The following RARB variants were observed in gnomAD, a reference collection of about 807,000 sequenced individuals.
RARB encodes the protein retinoic acid receptor beta, also known as HBV-activated protein.
In RARB, 17 loss-of-function variants were observed where a neutral mutation model predicts 51.9. The observed-to-expected ratio is 0.33, with a 90% CI of 0.22 to 0.49. The LOEUF is 0.49. RARB is among the 20% of genes least tolerant of loss of function. The probability of loss-of-function intolerance (pLI) is 0.99; values close to 1 mark genes in which losing one functional copy is unlikely to be tolerated. For missense variants in RARB, 369 were observed against 550.8 expected, an observed-to-expected ratio of 0.67 and a Z score of 3.30; for synonymous variants, 215 against 195.4, an observed-to-expected ratio of 1.10 and a Z score of -0.84.
At chr3:25,249,100 T>G (rs1319076209) in intron 5 of RARB, among the ~76,000 whole-genome samples, 1 of 152,150 alleles carries the variant, frequency 6.6e-6, no homozygotes, top group Non-Finnish European at 1.5e-5. Context: ...TGGCATCCTA[T>G]ACATTATGTG....
At chr3:25,067,438 T>C (rs974243063) in intron 3 of RARB, among the ~76,000 whole-genome samples, 2 of 152,204 alleles carry the variant, frequency 1.3e-5, no homozygotes, top group Non-Finnish European at 2.9e-5. Flanking sequence ...AGCTGTTTTA[T>C]GACGTGATGC....
chr3:25,025,944 A>C (rs1177926820), intron 2 of RARB, among the ~76,000 whole-genome samples: 2 of 152,202 alleles, frequency 1.3e-5, no homozygotes, highest in African/African-American at 4.8e-5. Flanking sequence ...AAAAATGCTC[A>C]AATATCAATA....
intron 2 of RARB, among the ~76,000 whole-genome samples, chr3:25,053,471 T>G (rs1188347228): frequency 6.6e-6 from 1 of 152,146 alleles, no homozygotes; most frequent in Non-Finnish European, 1.5e-5. Flanking sequence ...ATGAATTGAA[T>G]CCTTGGCGGC....
At chr3:25,030,172 G>C (rs547179968) in intron 2 of RARB, among the ~76,000 whole-genome samples, 2 of 152,300 alleles carry the variant, frequency 1.3e-5, no homozygotes, top group South Asian at 2.1e-4. Flanking sequence ...CCTTCTGCCT[G>C]AGCCTGTGCA....
intron 2 of RARB, among the ~76,000 whole-genome samples, chr3:24,994,396 T>C (rs1696977907): frequency 6.6e-6 from 1 of 152,198 alleles, no homozygotes; most frequent in African/African-American, 2.4e-5. Flanking sequence ...TTCTGGATAT[T>C]AATCCCCTAT....
chr3:25,344,137 G>T (rs1211367218), intron 5 of RARB, among the ~76,000 whole-genome samples: 1 of 152,114 alleles, frequency 6.6e-6, no homozygotes, highest in African/African-American at 2.4e-5. Flanking sequence ...ATTGCCTCAG[G>T]GGTGATGGGG....
At chr3:25,226,572 A>G (rs540055971) in intron 5 of RARB, among the ~76,000 whole-genome samples, 29 of 152,324 alleles carry the variant, frequency 1.9e-4, no homozygotes, top group African/African-American at 7.0e-4. Context: ...TCTATACCAC[A>G]TATATGACAA....
intron 2 of RARB, among the ~76,000 whole-genome samples, chr3:24,916,483 C>T (rs936471774): frequency 3.3e-5 from 5 of 152,008 alleles, no homozygotes; most frequent in Admixed American, 6.6e-5. Flanking sequence ...AATGAAAGCC[C>T]GCATTGGTTA....
At chr3:25,421,411 T>C (rs1269478100) in intron 5 of RARB, among the ~76,000 whole-genome samples, 1 of 134,664 alleles carries the variant, frequency 7.4e-6, no homozygotes, top group African/African-American at 2.9e-5. Context: ...TTCTTTTTTT[T>C]TTTTTTTTTT....
intron 3 of RARB, among the ~76,000 whole-genome samples, chr3:25,063,897 A>G (rs961258269): frequency 1.3e-5 from 2 of 152,020 alleles, no homozygotes; most frequent in African/African-American, 4.8e-5. Context: ...ATTAAGCACT[A>G]CTTTGTGACT....
intron 2 of RARB, among the ~76,000 whole-genome samples, chr3:25,027,915 C>T (rs906255398): frequency 9.2e-5 from 14 of 152,060 alleles, no homozygotes; most frequent in Admixed American, 7.9e-4. Context: ...AAAAGAAAAA[C>T]GATGGTTGTG....
At chr3:25,415,062 G>A (rs542552326) in intron 5 of RARB, among the ~76,000 whole-genome samples, 6 of 152,120 alleles carry the variant, frequency 3.9e-5, no homozygotes, top group South Asian at 4.2e-4. Context: ...GGCTTGTCTC[G>A]AACTCCCGAC....
chr3:25,121,803 C>T (rs553602686), intron 3 of RARB, among the ~76,000 whole-genome samples: 60 of 152,282 alleles, frequency 3.9e-4, no homozygotes, highest in African/African-American at 7.9e-4. Context: ...GAACAGTCAA[C>T]TCCTAAAAAC....
At chr3:25,487,564 G>A (rs1003926621) in intron 2 of RARB, among the ~76,000 whole-genome samples, 17 of 151,564 alleles carry the variant, frequency 1.1e-4, no homozygotes, top group African/African-American at 3.9e-4. Context: ...ATAACAAGAT[G>A]AGAGGCAATG....
chr3:25,108,899 T>G (rs1699554588), intron 3 of RARB, among the ~76,000 whole-genome samples: 1 of 152,208 alleles, frequency 6.6e-6, no homozygotes, highest in South Asian at 2.1e-4. Context: ...GTAAACATTC[T>G]GTGTCAGTTT....
At chr3:25,471,951 T>A (rs1166916620) in intron 2 of RARB, among the ~76,000 whole-genome samples, 1 of 152,174 alleles carries the variant, frequency 6.6e-6, no homozygotes, top group Admixed American at 6.5e-5. Flanking sequence ...CTTCTCATTG[T>A]CAGGGCAGGG....
chr3:25,454,490 CTTT>C (rs530438556), intron 1 of RARB, among the ~76,000 whole-genome samples: 1 of 152,170 alleles, frequency 6.6e-6, no homozygotes, highest in Non-Finnish European at 1.5e-5. Flanking sequence ...ATGTCTTTTG[CTTT>C]ATAACTCCTT....
intron 5 of RARB, among the ~76,000 whole-genome samples, chr3:25,341,911 T>G (rs1705239514): frequency 6.6e-6 from 1 of 151,852 alleles, no homozygotes; most frequent in Non-Finnish European, 1.5e-5. Context: ...TCATTTTACT[T>G]TGTTCTTTCC....
At chr3:25,083,118 A>T (rs1683316666) in intron 3 of RARB, among the ~76,000 whole-genome samples, 1 of 127,014 alleles carries the variant, frequency 7.9e-6, no homozygotes, top group Admixed American at 8.7e-5. Context: ...TTTAAATATT[A>T]TATCATTAGG....
Sources: allele counts gnomAD v4.1 joint callset (sites outside exome capture counted in the v4.1 genomes callset), GRCh38; gene constraint gnomAD v4.1.1; transcripts MANE v1.5; gene names NCBI Gene and HGNC (gene_info 2026-07-23, HGNC 2026-07-21).